The following STYX variants were observed in gnomAD, a reference collection of about 807,000 sequenced individuals.
STYX encodes the protein serine/threonine/tyrosine-interacting protein.
A neutral mutation model predicts 42.7 loss-of-function variants in STYX; 20 were observed. The observed-to-expected ratio is 0.47, with a 90% CI of 0.33 to 0.68. The LOEUF (loss-of-function observed/expected upper bound fraction) is 0.68, where lower values mean the gene tolerates loss of function less well. STYX is among the 30% of genes least tolerant of loss of function. STYX has a pLI of 0.02. For missense variants in STYX, 226 were observed against 268.5 expected (o/e 0.84, Z 1.11); for synonymous variants, 78 against 81.9 (o/e 0.95, Z 0.26).
chr14:52,756,272 T>C (rs1315988720), intron 4 of STYX, among the ~76,000 whole-genome samples: 1 of 152,180 alleles, frequency 6.6e-6, no homozygotes, highest in African/African-American at 2.4e-5. Flanking sequence ...CACCTTGGCC[T>C]CCCAAAAGAG....
At chr14:52,731,192 T>C (rs1203518356) in intron 1 of STYX, among the ~76,000 whole-genome samples, 1 of 152,222 alleles carries the variant, frequency 6.6e-6, no homozygotes, top group Non-Finnish European at 1.5e-5. Flanking sequence ...TCGGATTTTT[T>C]TTCATCTGTT....
At chr14:52,740,045 G>T (rs1488758774) in intron 1 of STYX, among the ~76,000 whole-genome samples, 1 of 152,150 alleles carries the variant, frequency 6.6e-6, no homozygotes, top group African/African-American at 2.4e-5. Flanking sequence ...TTGAGAGGCC[G>T]AGGCAGGTGG....
intron 4 of STYX, among the ~76,000 whole-genome samples, chr14:52,752,095 G>A (rs1012960370): frequency 1.3e-5 from 2 of 151,054 alleles, no homozygotes; most frequent in Admixed American, 6.6e-5. Context: ...AGAAGGCAGA[G>A]GTTACAGTGA....
chr14:52,730,320 C>T lies in STYX; in HGVS notation c.-155C>T. On this transcript the variant is annotated 5_prime_UTR_variant, in exon 1 of 11. Transcript: ENST00000354586. Reference sequence around the variant, plus strand: ...GCCGCCGCTGCTGGAGTCACTGGGACCCTGTAGTCTGCGTGTGTTAGTTGT... The same window carrying T: ...GCCGCCGCTGCTGGAGTCACTGGGATCCTGTAGTCTGCGTGTGTTAGTTGT... The T allele has an allele frequency of 1.4e-6, 1 of 702,592 alleles. No homozygotes were observed. Among genetic ancestry groups the T allele is most frequent in the Admixed American group, 2.4e-5 (1 of 42,414 alleles). 43.5% of individuals were successfully genotyped at this position (702,592 alleles called of 1,614,324 possible). A position where few individuals can be genotyped will look rare whatever the true frequency, so the allele number is the denominator to read the frequency against.
Position 52,759,736 on chromosome 14 carries a change from A to G in STYX, c.486A>G (p.Gly162=), listed in dbSNP as rs778857720. The G allele has an allele frequency of 6.2e-7, 1 of 1,610,984 alleles. No individual in the cohort carries two copies. Among genetic ancestry groups the G allele is most frequent in the South Asian group, 1.1e-5 (1 of 90,734 alleles). ...GATTTTGTATTAATCCTAATGCTGG[A>G]TTTGTCCATCAACTTCAGGTAACTT... ...ERRFCINPNA[G]FVHQLQEYEA... The change falls in exon 9 of 11, where the codon GGA becomes GGG. Residue 162 remains glycine (G), a synonymous_variant. Transcript: ENST00000354586.
chr14:52,752,762 C>G (rs1881670712), intron 4 of STYX, among the ~76,000 whole-genome samples: 1 of 151,720 alleles, frequency 6.6e-6, no homozygotes, highest in African/African-American at 2.4e-5. Flanking sequence ...TAGAAAATTT[C>G]TGGACCAAGA....
chr14:52,730,421 C>G lies in STYX; in HGVS notation c.-54C>G, dbSNP rs373882775. 180 of 1,590,482 alleles carry G rather than the reference C, an allele frequency of 1.1e-4. 1 individual carries two copies. In the African/African-American group the frequency reaches 1.8e-3, roughly 16 times the overall value. On this transcript the variant is annotated 5_prime_UTR_variant, in exon 1 of 11. Coordinates refer to ENST00000354586, the MANE Select transcript of STYX (RefSeq NM_145251.4). ...CCGCCGCCGCAGCCAGCCCGAGGGT[C>G]GGCCGGCTGTGTAACACTCTCCCAC...
Position 52,773,599 on chromosome 14 carries a change from A to G in STYX, c.*2493A>G, listed in dbSNP as rs1882607481. The G allele has an allele frequency of 6.6e-6, 1 of 152,170 alleles. No individual in the cohort carries two copies. The highest frequency in any genetic ancestry group is 6.6e-5 in the Admixed American group (1 of 15,266). The allele number at this position is 152,170 out of a possible 1,614,324, so 9.4% of individuals were successfully genotyped here. A position where few individuals can be genotyped will look rare whatever the true frequency, so the allele number is the denominator to read the frequency against. ...GTGATCCACCCACCTCGGCCTCCCA[A>G]AGTGCTGGGATTACAGGCGTGAGCC... On this transcript the variant is annotated 3_prime_UTR_variant, in exon 11 of 11. Transcript: ENST00000354586.
At chr14:52,768,312 G>A (rs1480612916) in intron 9 of STYX, among the ~76,000 whole-genome samples, 3 of 152,090 alleles carry the variant, frequency 2.0e-5, no homozygotes, top group Admixed American at 6.6e-5. Context: ...TTTTCATGCC[G>A]CTTCTCAGGC....
Position 52,771,345 on chromosome 14 carries a change from T to A in STYX, c.*239T>A, listed in dbSNP as rs1348115440. The A allele has an allele frequency of 8.7e-6, 3 of 346,288 alleles. No individual in the cohort carries two copies. The highest frequency in any genetic ancestry group is 1.6e-5 in the Non-Finnish European group (3 of 192,460). The allele number at this position is 346,288 out of a possible 1,614,324, so 21.5% of individuals were successfully genotyped here. A position where few individuals can be genotyped will look rare whatever the true frequency, so the allele number is the denominator to read the frequency against. ...CACATGCGCGCGCACACACACATGCTTTACAAGTTTTATTATAAACCAAGA... is the reference window on the plus strand; with the variant it reads ...CACATGCGCGCGCACACACACATGCATTACAAGTTTTATTATAAACCAAGA... On this transcript the variant is annotated 3_prime_UTR_variant, in exon 11 of 11. Coordinates refer to ENST00000354586, the MANE Select transcript of STYX (RefSeq NM_145251.4).
chr14:52,730,510 A>G lies in STYX; in HGVS notation c.36A>G (p.Pro12=), dbSNP rs1444219368. The change falls in exon 1 of 11, where the codon CCA becomes CCG. Residue 12 remains proline, a synonymous_variant. Coordinates refer to ENST00000354586, the MANE Select transcript of STYX (RefSeq NM_145251.4). ...TGAAGCTGGAGTTCCCTTCCCTTCC[A>G]CAGTGCAAGGAAGACGCCGAGGTGA... The part of the protein sequence containing the change: ...EDVKLEFPSL[P]QCKEDAEEWT... The G allele has an allele frequency of 3.7e-6, 6 of 1,613,364 alleles. No homozygotes were observed. In the African/African-American group the frequency reaches 4.0e-5, roughly 11 times the overall value.
chr14:52,745,245 C>T (rs1300015397), intron 2 of STYX, among the ~76,000 whole-genome samples: 3 of 151,906 alleles, frequency 2.0e-5, no homozygotes, highest in Non-Finnish European at 2.9e-5. Context: ...CTCAGCCTCC[C>T]GAGTAGCTGG....
chr14:52,743,245 C>G (rs75345929), intron 1 of STYX, among the ~76,000 whole-genome samples: 2 of 151,718 alleles, frequency 1.3e-5, no homozygotes, highest in South Asian at 2.1e-4. Flanking sequence ...ATTATTCTCT[C>G]TTTTCATTAT....
intron 2 of STYX, 81 bp from the exon 3 acceptor site, chr14:52,746,345 C>A: frequency 9.9e-7 from 1 of 1,009,284 alleles, no homozygotes; most frequent in Non-Finnish European, 1.5e-6. Context: ...TTTGATTTGG[C>A]CAAATAAGGT....
chr14:52,755,731 G>T (rs1213971265), intron 4 of STYX, among the ~76,000 whole-genome samples: 2 of 135,488 alleles, frequency 1.5e-5, no homozygotes, highest in Non-Finnish European at 3.1e-5. Flanking sequence ...AGTTCAAACA[G>T]TGAATGTTTG....
At chr14:52,754,105 G>T (rs1881750597) in intron 4 of STYX, among the ~76,000 whole-genome samples, 1 of 151,754 alleles carries the variant, frequency 6.6e-6, no homozygotes. Context: ...GGTCAGGCTG[G>T]TCTCAAACTC....
chr14:52,764,481 C>T (rs1173556324), intron 9 of STYX, among the ~76,000 whole-genome samples: 1 of 151,918 alleles, frequency 6.6e-6, no homozygotes, highest in Non-Finnish European at 1.5e-5. Context: ...TCATTGTTTC[C>T]TAATAGGTGA....
At chr14:52,736,412 T>C (rs138992530) in intron 1 of STYX, among the ~76,000 whole-genome samples, 50 of 152,356 alleles carry the variant, frequency 3.3e-4, no homozygotes, top group African/African-American at 1.2e-3. Flanking sequence ...GCTTAGATAT[T>C]AGGAAGAAGG....
chr14:52,757,262 T>A (rs1881910226), intron 5 of STYX, 57 bp from the exon 6 acceptor site: 1 of 1,350,486 alleles, frequency 7.4e-7, no homozygotes, highest in Non-Finnish European at 1.0e-6. Context: ...TTTCATTTTG[T>A]TTCATTATAT....
Sources: gnomAD v4.1 joint callset for allele counts (sites outside exome capture counted in the v4.1 genomes callset) on GRCh38, gnomAD v4.1.1 for gene constraint, MANE v1.5 for transcripts, NCBI Gene and HGNC (gene_info 2026-07-23, HGNC 2026-07-21) for gene names.